Variants in ALDH16A1 observed in about 807,000 individuals in gnomAD.
The protein encoded by ALDH16A1 is aldehyde dehydrogenase family 16 member A1.
In ALDH16A1, 88 loss-of-function variants were observed where a neutral mutation model predicts 96.1. That is an observed-to-expected ratio of 0.92 (90% CI 0.77 to 1.09). The LOEUF is 1.09. Ranked by LOEUF, ALDH16A1 falls within the 50% of genes least tolerant of loss-of-function variation. The probability of loss-of-function intolerance (pLI) is 0.00; values close to 1 mark genes in which losing one functional copy is unlikely to be tolerated. For synonymous variants in ALDH16A1, 522 were observed against 496.4 expected, an observed-to-expected ratio of 1.05 and a Z score of -0.69; for missense variants, 1,250 against 1,112.6, an observed-to-expected ratio of 1.12 and a Z score of -1.76.
intron 2 of ALDH16A1, 37 bp from the exon 3 acceptor site, chr19:49,458,923 A>G (rs926380333): frequency 6.3e-7 from 1 of 1,599,364 alleles, no homozygotes; most frequent in Non-Finnish European, 8.5e-7. Context: ...GACATGGGCT[A>G]CTCCTCCCAT....
At position 49,461,944 on chromosome 19, in the gene ALDH16A1, G is replaced by C. The variant is rs1163076437; in HGVS notation, c.820G>C (p.Gly274Arg). 2 of 1,572,696 alleles carry C rather than the reference G, an allele frequency of 1.3e-6. No homozygotes were observed. The highest frequency in any genetic ancestry group is 1.3e-5 in the African/African-American group (1 of 74,076). Residue 274 changes from glycine to arginine, a missense_variant, in exon 7 of 17, where the codon GGG (glycine) becomes CGG (arginine). Physicochemically the swap from Gly to Arg is moderately radical, Grantham distance 125 (BLOSUM62 -2). Coordinates refer to ENST00000293350, the MANE Select transcript of ALDH16A1 (RefSeq NM_153329.4). ...GTGTGCGGAGCTGGGCCTGGCGCTG[G>C]GGACGGAGTCGCTGCTGCTGCTGAC... ...GECAELGLAL[G>R]TESLLLLTDT...
rs2079241476 is a variant in ALDH16A1, at chr19:49,470,993, C to G, written c.*526C>G. 1 of 152,262 alleles carries G rather than the reference C, an allele frequency of 6.6e-6. No individual in the cohort carries two copies. The highest frequency in any genetic ancestry group is 2.4e-5 in the African/African-American group (1 of 41,414). The allele number at this position is 152,262 out of a possible 1,614,324, so 9.4% of individuals were successfully genotyped here. ...TCTGGTTTTCTCTACCTTTTCATGG[C>G]CCCAGAATCCATATGCAGTAAAGGA... is the stretch of plus-strand genomic sequence containing the variant. On this transcript the variant is annotated 3_prime_UTR_variant, in exon 17 of 17. Coordinates refer to ENST00000293350, the MANE Select transcript of ALDH16A1 (RefSeq NM_153329.4).
At chr19:49,454,020 G>GTTTTTTTTGTGTTTTTTTTTTTT (rs1568645951) in intron 1 of ALDH16A1, among the ~76,000 whole-genome samples, 1 of 68,250 alleles carries the variant, frequency 1.5e-5, no homozygotes. Flanking sequence ...TTTGGGTTGG[G>GTTTTTTTTGTGTTTTTTTTTTTT]TTTTTTTTTT....
In ALDH16A1 at chr19:49,468,204, C is replaced by T. The variant is rs997468963; in HGVS notation, c.1939-177C>T. 3.4e-6 allele frequency: 2 copies of T among 592,434 alleles called. No individual in the cohort carries two copies. The highest frequency in any genetic ancestry group is 1.9e-5 in the African/African-American group (1 of 52,454). The allele number at this position is 592,434 out of a possible 1,614,324, so 36.7% of individuals were successfully genotyped here. On this transcript the variant is annotated intron_variant, in intron 14 of 16. Coordinates refer to ENST00000293350, the MANE Select transcript of ALDH16A1 (RefSeq NM_153329.4). The surrounding 1 kb of genome is among the most constrained non-coding windows in gnomAD (Gnocchi z 4.4). The stretch of plus-strand genomic sequence containing the variant: ...GGCGGTTATGCAGGATGTTTCTCAC[C>T]GCCCGAACCCCCGTGGAATGATTCA...
In ALDH16A1 at chr19:49,468,375, C is replaced by T. The variant is rs777141366; in HGVS notation, c.1939-6C>T. 1.9e-6 allele frequency: 3 copies of T among 1,598,084 alleles called. No individual in the cohort carries two copies. The South Asian group carries it at 3.3e-5, about 18-fold the overall frequency. The stretch of plus-strand genomic sequence containing the variant: ...TGCCCCACACGTGACCCACCTGTCC[C>T]TGCAGGTAGCCGGGCTGAGAGGCCC... On this transcript the variant is annotated splice_region_variant and splice_polypyrimidine_tract_variant and intron_variant, in intron 14 of 16. Transcript: ENST00000293350. The surrounding 1 kb of genome is among the most constrained non-coding windows in gnomAD (Gnocchi z 4.4).
Position 49,470,566 on chromosome 19 carries a change from C to T in ALDH16A1, c.*99C>T. 7.5e-7 allele frequency: 1 copy of T among 1,341,052 alleles called. No homozygotes were observed. The highest frequency in any genetic ancestry group is 9.8e-7 in the Non-Finnish European group (1 of 1,024,290). 83.1% of individuals were successfully genotyped at this position (1,341,052 alleles called of 1,614,324 possible). On this transcript the variant is annotated 3_prime_UTR_variant, in exon 17 of 17. Transcript: ENST00000293350. ...TTCCCCTTCTGGTTCCTGTGTCTCC[C>T]AATAAACTCTCTGACCAACCCTAGC...
In ALDH16A1 at chr19:49,468,889, G is replaced by A. The variant is rs1320397478; in HGVS notation, c.2150G>A (p.Gly717Asp). The A allele has an allele frequency of 3.7e-6, 6 of 1,613,918 alleles. No homozygotes were observed. The highest frequency in any genetic ancestry group is 3.3e-4 in the Middle Eastern group (2 of 5,980). Residue 717 changes from glycine to aspartate, a missense_variant, in exon 16 of 17, where the codon GGC (glycine) becomes GAC (aspartate). Coordinates refer to ENST00000293350, the MANE Select transcript of ALDH16A1 (RefSeq NM_153329.4). The surrounding 1 kb of genome is among the most constrained non-coding windows in gnomAD (Gnocchi z 4.4). ...CQDMATVFPA[G>D]LANVVTGDRD... ...GACATGGCCACCGTGTTCCCAGCAG[G>A]CCTGGCCAACGTGGTGACAGGAGAC...
At chr19:49,466,437 T>C (rs549029823) in intron 14 of ALDH16A1, among the ~76,000 whole-genome samples, 154 bp downstream of exon 14, 1 of 152,280 alleles carries the variant, frequency 6.6e-6, no homozygotes, top group South Asian at 2.1e-4. Flanking sequence ...CCTACCTCAG[T>C]TCCCTCATCT....
At position 49,466,255 on chromosome 19, in the gene ALDH16A1, G is replaced by C; in HGVS notation, c.1910G>C (p.Arg637Pro). The C allele has an allele frequency of 6.8e-7, 1 of 1,476,738 alleles. No homozygotes were observed. Among genetic ancestry groups the C allele is most frequent in the Non-Finnish European group, 9.0e-7 (1 of 1,113,572 alleles). 91.5% of individuals were successfully genotyped at this position (1,476,738 alleles called of 1,614,324 possible). A position where few individuals can be genotyped will look rare whatever the true frequency, so the allele number is the denominator to read the frequency against. The stretch of plus-strand genomic sequence containing the variant: ...AGACGACTTCGGGCGTGGGGGGCCC[G>C]GGTGCAGGCCCAAGGCCACACCCTG... ...SARRLRAWGARVQAQGHTLQV... is the reference protein window; with the variant it reads ...SARRLRAWGAPVQAQGHTLQV... Residue 637 changes from arginine to proline, a missense_variant, in exon 14 of 17, where the codon CGG becomes CCG. Arg to Pro is a moderately radical substitution (Grantham distance 103). Coordinates refer to ENST00000293350, the MANE Select transcript of ALDH16A1 (RefSeq NM_153329.4).
Position 49,465,662 on chromosome 19 carries a change from T to A in ALDH16A1, c.1569-76T>A, listed in dbSNP as rs1239359313. On this transcript the variant is annotated intron_variant, in intron 12 of 16. Coordinates refer to ENST00000293350, the MANE Select transcript of ALDH16A1 (RefSeq NM_153329.4). ...GAGGCTCACGGGAGCCAAGGCAGTC[T>A]TCCCAGTGCGGTAGAGCATAGGGTC... 102 of 1,490,950 alleles carry A rather than the reference T, an allele frequency of 6.8e-5. 1 individual carries two copies. The East Asian group carries it at 2.3e-3, about 34-fold the overall frequency. The allele number at this position is 1,490,950 out of a possible 1,614,324, so 92.4% of individuals were successfully genotyped here.
intron 4 of ALDH16A1, 74 bp from the exon 5 acceptor site, chr19:49,460,748 T>C: frequency 9.3e-7 from 1 of 1,078,314 alleles, no homozygotes; most frequent in South Asian, 1.2e-5. Context: ...AGCCATGGGG[T>C]CTTGCCATGT....
rs866131765 is a variant in ALDH16A1 at position 49,462,469 on chromosome 19, G to A, written c.913-101G>A. On this transcript the variant is annotated intron_variant, in intron 7 of 16. Coordinates refer to ENST00000293350, the MANE Select transcript of ALDH16A1 (RefSeq NM_153329.4). ...TTTAGGACTCTGTTGATTTATCTGA[G>A]TGTCCATGTCCCTAGTTTTCCAGCC... is the stretch of plus-strand genomic sequence containing the variant. 19 of 1,361,196 alleles carry A rather than the reference G, an allele frequency of 1.4e-5. No individual in the cohort carries two copies. In the African/African-American group the frequency reaches 1.9e-4, roughly 14 times the overall value. The allele number at this position is 1,361,196 out of a possible 1,614,324, so 84.3% of individuals were successfully genotyped here.
chr19:49,468,275 G>A lies in ALDH16A1; in HGVS notation c.1939-106G>A, dbSNP rs564294974. 78 of 1,187,606 alleles carry A rather than the reference G, an allele frequency of 6.6e-5. No homozygotes were observed. Among genetic ancestry groups the A allele is most frequent in the East Asian group, 3.2e-4 (13 of 40,792 alleles). The allele number at this position is 1,187,606 out of a possible 1,614,324, so 73.6% of individuals were successfully genotyped here. On this transcript the variant is annotated intron_variant, in intron 14 of 16. Transcript: ENST00000293350. The surrounding 1 kb of genome is among the most constrained non-coding windows in gnomAD (Gnocchi z 4.4). ...ATGGCAGGGGCTTCCACAATGGTGC[G>A]GTTTGGGCCAACACCAAGTGTTGGG...
chr19:49,463,738 G>A (rs2079173270), intron 8 of ALDH16A1, 116 bp from the exon 9 acceptor site: 2 of 801,428 alleles, frequency 2.5e-6, no homozygotes, highest in African/African-American at 3.6e-5. Flanking sequence ...GTCTGAGGGA[G>A]GAGGGGCTGG....
rs2079191856 is a variant in ALDH16A1 at position 49,465,742 on chromosome 19, G to A, written c.1573G>A (p.Ala525Thr). 1.2e-6 allele frequency: 2 copies of A among 1,612,752 alleles called. No homozygotes were observed. Among genetic ancestry groups the A allele is most frequent in the Non-Finnish European group, 8.5e-7 (1 of 1,179,114 alleles). The part of the protein sequence containing the change: ...PAGPEIGPSP[A>T]PPYGLFVGGR... ...TCATGTCCCACCCTACTCCAGCCCA[G>A]CACCCCCCTATGGGCTCTTCGTTGG... The change falls in exon 13 of 17, where the codon GCA (alanine) becomes ACA (threonine). Residue 525 changes from alanine to threonine, a missense_variant. Transcript: ENST00000293350.
intron 16 of ALDH16A1, 77 bp from the exon 17 acceptor site, chr19:49,470,229 A>G: frequency 2.6e-6 from 4 of 1,549,206 alleles, no homozygotes; most frequent in Non-Finnish European, 3.5e-6. Flanking sequence ...CGTCAGTAAC[A>G]GTCTTCATCG....
chr19:49,459,976 T>C lies in ALDH16A1; in HGVS notation c.499+128T>C, dbSNP rs926987575. 1.7e-6 allele frequency: 2 copies of C among 1,179,236 alleles called. No individual in the cohort carries two copies. Among genetic ancestry groups the C allele is most frequent in the Non-Finnish European group, 2.3e-6 (2 of 872,212 alleles). The allele number at this position is 1,179,236 out of a possible 1,614,324, so 73.0% of individuals were successfully genotyped here. A position where few individuals can be genotyped will look rare whatever the true frequency, so the allele number is the denominator to read the frequency against. Reference sequence around the variant, plus strand: ...CCCAGGCCGGAGTGCAGTGGCGCAATCTTGGCTCACTATAACCTCCGCCTC... The same window carrying C: ...CCCAGGCCGGAGTGCAGTGGCGCAACCTTGGCTCACTATAACCTCCGCCTC... On this transcript the variant is annotated intron_variant, in intron 4 of 16. Coordinates refer to ENST00000293350, the MANE Select transcript of ALDH16A1 (RefSeq NM_153329.4). The surrounding 1 kb of genome is among the most constrained non-coding windows in gnomAD (Gnocchi z 4.1).
At chr19:49,460,785 C>T (rs1237494756) in intron 4 of ALDH16A1, 37 bp from the exon 5 acceptor site, 1 of 1,574,248 alleles carries the variant, frequency 6.4e-7, no homozygotes, top group Non-Finnish European at 8.7e-7. Context: ...AAACACCTAG[C>T]CTCAAGGGAT....
intron 1 of ALDH16A1, 82 bp downstream of exon 1, chr19:49,453,503 AC>A: frequency 7.7e-7 from 1 of 1,297,512 alleles, no homozygotes; most frequent in East Asian, 2.6e-5. Context: ...CCCGTCATCC[AC>A]TGCGGTAGCT....
Sources: allele counts gnomAD v4.1 joint callset (sites outside exome capture counted in the v4.1 genomes callset), GRCh38; gene constraint gnomAD v4.1.1; non-coding constraint Gnocchi (gnomAD v3.1); transcripts MANE v1.5; gene names NCBI Gene and HGNC (gene_info 2026-07-23, HGNC 2026-07-21).